The following SYTL2 variants were observed in gnomAD, a reference collection of about 807,000 sequenced individuals.
SYTL2 encodes the protein synaptotagmin-like protein 2.
Under a neutral mutation model 198.7 loss-of-function variants are expected in SYTL2, and 165 were observed. The observed-to-expected ratio is 0.83, with a 90% confidence interval of 0.73 to 0.94. SYTL2 has a LOEUF of 0.94. Ranked by LOEUF, SYTL2 falls within the 40% of genes least tolerant of loss-of-function variation. The probability of loss-of-function intolerance (pLI) is 0.00; values close to 1 mark genes in which losing one functional copy is unlikely to be tolerated. For missense variants in SYTL2, 2,835 were observed against 2,582.8 expected, an observed-to-expected ratio of 1.10 and a Z score of -2.12; for synonymous variants, 966 against 917.7, an observed-to-expected ratio of 1.05 and a Z score of -0.95.
chr11:85,738,641 G>C (rs769702546), intron 4 of SYTL2, among the ~76,000 whole-genome samples: 15 of 152,168 alleles, frequency 9.9e-5, no homozygotes, highest in Non-Finnish European at 1.9e-4. Context: ...CAATAGCTCA[G>C]AACCAGAAAG....
chr11:85,778,381 C>T (rs1039581607), intron 1 of SYTL2, among the ~76,000 whole-genome samples: 1 of 152,190 alleles, frequency 6.6e-6, no homozygotes, highest in South Asian at 2.1e-4. Flanking sequence ...GGAGTTTGGA[C>T]TCGAAGCTGA....
the SYTL2 span, among the ~76,000 whole-genome samples, chr11:85,832,238 T>C: frequency 1.3e-5 from 2 of 152,210 alleles, no homozygotes; most frequent in Non-Finnish European, 2.9e-5. Context: ...CATCATTTGT[T>C]ACCCTCATAA....
intron 2 of SYTL2, among the ~76,000 whole-genome samples, chr11:85,756,365 A>G (rs971689924): frequency 6.6e-6 from 1 of 152,190 alleles, no homozygotes; most frequent in Non-Finnish European, 1.5e-5. Context: ...ATCATAGCTC[A>G]GTGTCCTACT....
Position 85,727,197 on chromosome 11 carries a change from T to C in SYTL2, c.2161A>G (p.Lys721Glu), listed in dbSNP as rs1402275392. The change falls in exon 8 of 20, where the codon AAA becomes GAA. Residue 721 changes from lysine to glutamate, a missense_variant. By Grantham distance (56) the Lys-to-Glu change is moderately conservative. Around this residue, in one of 3 missense-constraint regions of SYTL2, gnomAD observed 2,645 missense variants for 2,381.7 expected, o/e 1.11. Transcript: ENST00000359152. ...ATGTTATCTTTCAAACCTGGTTCTTTGACAACTGTTGAAGAGTCAAAATTC... is the reference window on the plus strand; with the variant it reads ...ATGTTATCTTTCAAACCTGGTTCTTCGACAACTGTTGAAGAGTCAAAATTC... ...EVNFDSSTVVKEPGLKDNMNA... is the reference protein window; with the variant it reads ...EVNFDSSTVVEEPGLKDNMNA... 1 of 1,536,520 alleles carries C rather than the reference T, an allele frequency of 6.5e-7. No homozygotes were observed. The highest frequency in any genetic ancestry group is 2.4e-5 in the East Asian group (1 of 40,918).
At chr11:85,742,486 T>C (rs967984123) in intron 4 of SYTL2, among the ~76,000 whole-genome samples, 1 of 152,190 alleles carries the variant, frequency 6.6e-6, no homozygotes, top group African/African-American at 2.4e-5. Context: ...TTTTCTGTTG[T>C]GGGGGGCACA....
Position 85,726,426 on chromosome 11 carries a change from T to C in SYTL2, c.2932A>G (p.Asn978Asp). The change falls in exon 8 of 20, where the codon AAT becomes GAT. Residue 978 changes from asparagine to aspartate, a missense_variant. Physicochemically the swap from Asn to Asp is conservative, Grantham distance 23. This residue lies in a region of SYTL2 where 2,645 missense variants were observed against 2,381.7 expected (regional missense o/e 1.11). Coordinates refer to ENST00000359152, the MANE Select transcript of SYTL2 (RefSeq NM_206927.4). ...MDEPNAEQVY[N>D]PSQFENLRKF... ...CTCAAATTCTCAAACTGAGAGGGAT[T>C]ATAGACCTGTTCTGCATTGGGTTCA... 2 of 1,613,522 alleles carry C rather than the reference T, an allele frequency of 1.2e-6. No individual in the cohort carries two copies. Among genetic ancestry groups the C allele is most frequent in the Non-Finnish European group, 8.5e-7 (1 of 1,179,876 alleles).
chr11:85,749,279 A>G lies in SYTL2; in HGVS notation c.102-856T>C, dbSNP rs182664939. 1.6e-3 allele frequency among the ~76,000 whole-genome samples: 237 copies of G among 152,354 alleles called. 1 individual carries two copies. The highest frequency in any genetic ancestry group is 5.4e-3 in the African/African-American group (223 of 41,578). ...AAATCACAAAATCTCTCTTGTTTAT[A>G]GAGATGTACTTAGAATAAAGTGGAA... On this transcript the variant is annotated intron_variant, in intron 2 of 19. Transcript: ENST00000359152.
intron 11 of SYTL2, chr11:85,716,924 AT>A (rs1171443730): frequency 6.6e-6 from 1 of 152,200 alleles, no homozygotes; most frequent in Non-Finnish European, 1.5e-5. Context: ...TACTTCTTAG[AT>A]TCACTTGTTC....
At chr11:85,785,877 A>AT (rs2092627918) in intron 1 of SYTL2, among the ~76,000 whole-genome samples, 1 of 152,220 alleles carries the variant, frequency 6.6e-6, no homozygotes, top group African/African-American at 2.4e-5. Flanking sequence ...CAAGGAAGGA[A>AT]TGACAGTGAC....
intron 1 of SYTL2, among the ~76,000 whole-genome samples, chr11:85,776,334 T>C (rs2092450728): frequency 6.6e-6 from 1 of 152,214 alleles, no homozygotes; most frequent in Non-Finnish European, 1.5e-5. Flanking sequence ...ACACATGCCA[T>C]GGTTTGCTGC....
At chr11:85,811,563 G>C (rs569187151), upstream of SYTL2, among the ~76,000 whole-genome samples, 6 of 152,262 alleles carry the variant, frequency 3.9e-5, no homozygotes. Context: ...AGGGTATGGA[G>C]CCCGGTCATG....
chr11:85,830,409 A>G, the SYTL2 span, among the ~76,000 whole-genome samples: 1 of 152,184 alleles, frequency 6.6e-6, no homozygotes, highest in African/African-American at 2.4e-5. Context: ...ATGCCACTAC[A>G]CATTCATTGA....
At chr11:85,832,846 A>G in the SYTL2 span, among the ~76,000 whole-genome samples, 1 of 151,152 alleles carries the variant, frequency 6.6e-6, no homozygotes, top group Non-Finnish European at 1.5e-5. Context: ...AAAAATTTTA[A>G]TTAGCTGGGT....
At chr11:85,728,073 A>T (rs1219154417) in intron 7 of SYTL2, 106 bp from the exon 8 acceptor site, 1 of 968,022 alleles carries the variant, frequency 1.0e-6, no homozygotes, top group Admixed American at 3.1e-5. Flanking sequence ...TGCACTTTCT[A>T]TACCAATAGC....
Position 85,726,880 on chromosome 11 carries a change from T to A in SYTL2, c.2478A>T (p.Ala826=), listed in dbSNP as rs1165462001. 6.5e-7 allele frequency: 1 copy of A among 1,536,668 alleles called. No individual in the cohort carries two copies. The highest frequency in any genetic ancestry group is 2.0e-5 in the Admixed American group (1 of 51,012). Residue 826 remains alanine, a synonymous_variant, in exon 8 of 20, where the codon GCA becomes GCT. Coordinates refer to ENST00000359152, the MANE Select transcript of SYTL2 (RefSeq NM_206927.4). ...CCTGTGACTTCTTCACAGGCTGATA[T>A]GCTTTAGCAGAAGGTTGTTCCTGGC... ...SCSQEQPSAK[A]YQPVKKSQGV...
chr11:85,823,989 T>C, the SYTL2 span, among the ~76,000 whole-genome samples: 2 of 152,162 alleles, frequency 1.3e-5, no homozygotes, highest in South Asian at 2.1e-4. Flanking sequence ...TGGGAAACCC[T>C]GAATGGGACT....
rs2089098768 is a variant in SYTL2 at position 85,725,882 on chromosome 11, T to C, written c.3476A>G (p.Gln1159Arg). ...QPSGGKVHGK[Q>R]VLEPSVSENR... Reference sequence around the variant, plus strand: ...TTCAGAAACACTTGGTTCAAGCACTTGTTTTCCATGAACTTTTCCACCAGA... The same window carrying C: ...TTCAGAAACACTTGGTTCAAGCACTCGTTTTCCATGAACTTTTCCACCAGA... Residue 1159 changes from glutamine to arginine, a missense_variant, in exon 8 of 20, where the codon CAA becomes CGA. By Grantham distance (43) the Gln-to-Arg change is conservative. Coordinates refer to ENST00000359152, the MANE Select transcript of SYTL2 (RefSeq NM_206927.4). 2 of 1,613,674 alleles carry C rather than the reference T, an allele frequency of 1.2e-6. No homozygotes were observed.
Position 85,720,897 on chromosome 11 carries a change from G to T in SYTL2, c.5389C>A (p.Pro1797Thr). The stretch of plus-strand genomic sequence containing the variant: ...GAAATGTCTTCTAGACTTTTGGAAG[G>T]CATTTTCCTAGCGGCACTCCTTTCC... ...TLERSAARKM[P>T]SKSLEDISSD... Residue 1797 changes from proline to threonine, a missense_variant, in exon 9 of 20, where the codon CCT becomes ACT. Physicochemically the swap from Pro to Thr is conservative, Grantham distance 38 (BLOSUM62 -1). Around this residue, in one of 3 missense-constraint regions of SYTL2, gnomAD observed 2,645 missense variants for 2,381.7 expected, o/e 1.11. Transcript: ENST00000359152. 2 of 1,613,416 alleles carry T rather than the reference G, an allele frequency of 1.2e-6. No individual in the cohort carries two copies. Among genetic ancestry groups the T allele is most frequent in the Non-Finnish European group, 1.7e-6 (2 of 1,179,558 alleles).
Position 85,715,980 on chromosome 11 carries a change from T to C in SYTL2, c.5531-1473A>G, listed in dbSNP as rs566484001. Among the ~76,000 whole-genome samples, 14 of 152,320 alleles carry C rather than the reference T, an allele frequency of 9.2e-5. No homozygotes were observed. The South Asian group carries it at 2.9e-3, about 32-fold the overall frequency. On this transcript the variant is annotated intron_variant, in intron 11 of 19. Transcript: ENST00000359152. The stretch of plus-strand genomic sequence containing the variant: ...GTGTTTGGATCATGTATTTGATTTT[T>C]GTGGTAAGAATATACTCTTTACCAG...
Sources: gnomAD v4.1 joint callset for allele counts (sites outside exome capture counted in the v4.1 genomes callset) on GRCh38, gnomAD v4.1.1 for gene constraint, gnomAD v4.1.1 regional missense constraint, MANE v1.5 for transcripts, NCBI Gene and HGNC (gene_info 2026-07-23, HGNC 2026-07-21) for gene names.